F5: variants seen among roughly 807,000 people sequenced by gnomAD.
F5 encodes the protein activated protein c cofactor.
F5 carries 138 observed loss-of-function variants against 216.4 expected under a neutral mutation model. The ratio of observed to expected loss-of-function variants is 0.64; its 90% CI spans 0.56 to 0.73. The LOEUF (loss-of-function observed/expected upper bound fraction) is 0.73, where lower values mean the gene tolerates loss of function less well. Ranked by LOEUF, F5 falls within the 30% of genes least tolerant of loss-of-function variation. F5 has a pLI of 0.00. For missense variants in F5, 2,403 were observed against 2,674.0 expected (o/e 0.90, Z 2.24); for synonymous variants, 916 against 930.7 (o/e 0.98, Z 0.29).
intron 21 of F5, among the ~76,000 whole-genome samples, chr1:169,522,456 T>G (rs1160575753): frequency 6.6e-6 from 1 of 151,802 alleles, no homozygotes; most frequent in African/African-American, 2.4e-5. Context: ...CTGTGTTTTC[T>G]CTCATAATAC....
Position 169,542,302 on chromosome 1 carries a change from C to A in F5, c.2788G>T (p.Asp930Tyr), listed in dbSNP as rs1659876732. The change falls in exon 13 of 25, where the codon GAT (aspartate) becomes TAT (tyrosine). Residue 930 changes from aspartate to tyrosine, a missense_variant. Physicochemically the swap from Asp to Tyr is radical, Grantham distance 160. Around this residue, in one of 4 missense-constraint regions of F5, gnomAD observed 1,425 missense variants for 1,554.8 expected, o/e 0.92. Coordinates refer to ENST00000367797, the MANE Select transcript of F5 (RefSeq NM_000130.5). ...RMRPWKDPPS[D>Y]LLLLKQSNSS... ...TTACTTTGTTTTAAGAGTAACAGAT[C>A]ACTAGGAGGGTCCTTCCAGGGCCTC... The A allele has an allele frequency of 3.7e-6, 6 of 1,613,986 alleles. No homozygotes were observed. Among genetic ancestry groups the A allele is most frequent in the Non-Finnish European group, 5.1e-6 (6 of 1,179,990 alleles).
At chr1:169,565,438 G>A (rs988841280) in intron 3 of F5, among the ~76,000 whole-genome samples, 4 of 152,102 alleles carry the variant, frequency 2.6e-5, no homozygotes, top group African/African-American at 9.7e-5. Flanking sequence ...TGAACATGAA[G>A]AAGATGCTCA....
chr1:169,576,074 T>C (rs1478993516), intron 2 of F5, among the ~76,000 whole-genome samples: 1 of 152,040 alleles, frequency 6.6e-6, no homozygotes, highest in African/African-American at 2.4e-5. Context: ...TTCCAGTAAC[T>C]GGAAAAGACA....
intron 1 of F5, among the ~76,000 whole-genome samples, chr1:169,584,037 T>G (rs1038381184): frequency 6.6e-6 from 1 of 152,250 alleles, no homozygotes; most frequent in African/African-American, 2.4e-5. Context: ...GTCCCTAATG[T>G]GGAAGTCCAT....
chr1:169,528,903 C>T (rs756392956), intron 16 of F5, among the ~76,000 whole-genome samples: 3 of 152,102 alleles, frequency 2.0e-5, no homozygotes, highest in Non-Finnish European at 4.4e-5. Context: ...TGGAGAGGGA[C>T]GGGTTGAGAT....
intron 3 of F5, among the ~76,000 whole-genome samples, chr1:169,570,761 C>T (rs1660703864): frequency 6.6e-6 from 1 of 152,100 alleles, no homozygotes; most frequent in African/African-American, 2.4e-5. Flanking sequence ...TATTTGAACA[C>T]ATTTTAATTG....
intron 11 of F5, among the ~76,000 whole-genome samples, chr1:169,545,033 G>A (rs1659965676): frequency 6.6e-6 from 1 of 152,126 alleles, no homozygotes; most frequent in Non-Finnish European, 1.5e-5. Context: ...ACTGCTGTAG[G>A]CAATATTTTT....
chr1:169,522,798 C>A (rs1325234445), intron 21 of F5, among the ~76,000 whole-genome samples: 1 of 152,174 alleles, frequency 6.6e-6, no homozygotes, highest in African/African-American at 2.4e-5. Context: ...CTATTTACTT[C>A]AGGTACACTG....
intron 17 of F5, among the ~76,000 whole-genome samples, chr1:169,526,435 T>C (rs1468808428): frequency 1.3e-5 from 2 of 152,110 alleles, no homozygotes; most frequent in Non-Finnish European, 2.9e-5. Flanking sequence ...TAAAACCTTC[T>C]TCCTCCATGT....
chr1:169,554,074 T>C (rs747750107), intron 7 of F5, among the ~76,000 whole-genome samples: 5 of 88,646 alleles, frequency 5.6e-5, no homozygotes. Flanking sequence ...TTCTTTTTCC[T>C]AGTTTAATTG....
At chr1:169,537,397 A>C (rs1659727684) in intron 13 of F5, among the ~76,000 whole-genome samples, 1 of 152,166 alleles carries the variant, frequency 6.6e-6, no homozygotes, top group Admixed American at 6.6e-5. Context: ...GCTAATGTCC[A>C]TTATTCTTAA....
intron 1 of F5, among the ~76,000 whole-genome samples, chr1:169,583,500 T>G (rs1366184498): frequency 1.3e-5 from 2 of 152,234 alleles, no homozygotes; most frequent in African/African-American, 4.8e-5. Context: ...TGTTTTACTT[T>G]GAAAAGTTTA....
At chr1:169,529,194 C>T (rs1471331500) in intron 16 of F5, among the ~76,000 whole-genome samples, 6 of 152,242 alleles carry the variant, frequency 3.9e-5, no homozygotes, top group African/African-American at 2.4e-5. Context: ...AAACTGTTAG[C>T]GTCATTCTTA....
intron 5 of F5, 44 bp downstream of exon 5, chr1:169,559,109 T>G: frequency 1.2e-6 from 2 of 1,611,806 alleles, no homozygotes; most frequent in African/African-American, 2.7e-5. Flanking sequence ...GAAAAATTAC[T>G]AATGATTTTA....
At chr1:169,570,580 G>C (rs1660700048) in intron 3 of F5, among the ~76,000 whole-genome samples, 1 of 152,114 alleles carries the variant, frequency 6.6e-6, no homozygotes, top group South Asian at 2.1e-4. Context: ...TCAAGCCAAA[G>C]ATTAAGTGCT....
intron 17 of F5, 139 bp from the exon 18 acceptor site, chr1:169,526,156 T>C: frequency 1.6e-6 from 1 of 641,564 alleles, no homozygotes; most frequent in Non-Finnish European, 2.8e-6. Context: ...TAGGTAGGAC[T>C]GAAAGTATAA....
rs1432341255 is a variant in F5, at chr1:169,512,343, C to A, written c.*1970G>T. Among the ~76,000 whole-genome samples, 1 of 151,990 alleles carries A rather than the reference C, an allele frequency of 6.6e-6. No homozygotes were observed. The highest frequency in any genetic ancestry group is 1.5e-5 in the Non-Finnish European group (1 of 67,974). On this transcript the variant is annotated 3_prime_UTR_variant, in exon 25 of 25. Coordinates refer to ENST00000367797, the MANE Select transcript of F5 (RefSeq NM_000130.5). The stretch of plus-strand genomic sequence containing the variant: ...CCCATTATTTCATAAGATTTTCTTG[C>A]CCCTATTATGCCTTAGTAAATTCTA...
At position 169,522,275 on chromosome 1, in the gene F5, C is replaced by T. The variant is rs576503885; in HGVS notation, c.6048+922G>A. Among the ~76,000 whole-genome samples the T allele has an allele frequency of 2.6e-5, 4 of 152,248 alleles. No homozygotes were observed. The South Asian group carries it at 8.3e-4, about 32-fold the overall frequency. ...ATATTTAAAGAATTATTACCAATTGCAGACATTTTCTCCTAGAATGTAGAA... is the reference window on the plus strand; with the variant it reads ...ATATTTAAAGAATTATTACCAATTGTAGACATTTTCTCCTAGAATGTAGAA... On this transcript the variant is annotated intron_variant, in intron 21 of 24. Transcript: ENST00000367797.
chr1:169,544,230 A>G, intron 12 of F5, 66 bp downstream of exon 12: 4 of 1,379,940 alleles, frequency 2.9e-6, no homozygotes, highest in Non-Finnish European at 4.1e-6. Flanking sequence ...GGAGAGTTGC[A>G]GCAGACCTTT....
Sources: gnomAD v4.1 joint callset for allele counts (sites outside exome capture counted in the v4.1 genomes callset) on GRCh38, gnomAD v4.1.1 for gene constraint, gnomAD v4.1.1 regional missense constraint, MANE v1.5 for transcripts, NCBI Gene and HGNC (gene_info 2026-07-23, HGNC 2026-07-21) for gene names.